Variants in KAZN observed in about 807,000 individuals in gnomAD.
KAZN encodes kazrin, periplakin interacting protein, also known as kazrin.
In KAZN, 40 loss-of-function variants were observed where a neutral mutation model predicts 87.4. The ratio of observed to expected loss-of-function variants is 0.46; its 90% CI spans 0.36 to 0.60. The LOEUF (loss-of-function observed/expected upper bound fraction) is 0.60. Among genes scored for constraint, KAZN ranks in the 20% least tolerant of loss-of-function variants. The pLI, the probability that KAZN is intolerant of heterozygous loss-of-function variation, is 0.00. For synonymous variants in KAZN, 466 were observed against 458.3 expected (o/e 1.02, Z -0.22); for missense variants, 898 against 1,073.9 (o/e 0.84, Z 2.29).
In KAZN at chr1:15,099,608, G is replaced by A. The variant is rs1018557005; in HGVS notation, c.1548-1935G>A. The stretch of plus-strand genomic sequence containing the variant: ...CCCCAGGACCCCAAGCCCCATGTGC[G>A]TTGGGGGAGGGGAAGTCAGCCAGGG... On this transcript the variant is annotated intron_variant, in intron 10 of 14. Coordinates refer to ENST00000376030, the MANE Select transcript of KAZN (RefSeq NM_201628.3). This position sits in a 1 kb window ranked among gnomAD's most constrained non-coding sequence, Gnocchi z 5.4. 7.9e-5 allele frequency among the ~76,000 whole-genome samples: 12 copies of A among 152,300 alleles called. No homozygotes were observed. Among genetic ancestry groups the A allele is most frequent in the East Asian group, 1.9e-4 (1 of 5,174 alleles).
chr1:14,990,885 C>T (rs12239196), intron 2 of KAZN, among the ~76,000 whole-genome samples: 7,171 of 150,680 alleles, frequency 0.048, 558 homozygotes, highest in African/African-American at 0.17. Context: ...GAGGCCTGAT[C>T]TAGTTTGCCT....
At chr1:14,566,323 A>C (rs575804224) in intron 2 of KAZN, among the ~76,000 whole-genome samples, 6 of 152,350 alleles carry the variant, frequency 3.9e-5, no homozygotes, top group African/African-American at 1.2e-4. Context: ...AGTAGGTCTC[A>C]ACAATGCACT....
At chr1:14,527,932 A>T (rs1028355157) in intron 2 of KAZN, among the ~76,000 whole-genome samples, 3 of 152,196 alleles carry the variant, frequency 2.0e-5, no homozygotes, top group Admixed American at 6.5e-5. Context: ...TCCAAACTAT[A>T]GCACTTCATT....
At chr1:14,743,526 T>C (rs1281436003) in intron 1 of KAZN, among the ~76,000 whole-genome samples, 2 of 152,126 alleles carry the variant, frequency 1.3e-5, no homozygotes. Context: ...GAAGCCCCAG[T>C]GCTTTCTAAA....
chr1:14,435,243 T>C (rs1023882600), intron 2 of KAZN, among the ~76,000 whole-genome samples: 3 of 152,178 alleles, frequency 2.0e-5, no homozygotes, highest in Non-Finnish European at 4.4e-5. Flanking sequence ...CTGTTTCAAC[T>C]CTACCCTTGG....
At chr1:14,503,967 G>A (rs1470267640) in intron 2 of KAZN, among the ~76,000 whole-genome samples, 1 of 152,098 alleles carries the variant, frequency 6.6e-6, no homozygotes, top group East Asian at 1.9e-4. Flanking sequence ...GGCAAGAGAG[G>A]CACGTAGGAC....
chr1:14,846,457 C>A (rs1448098209), intron 1 of KAZN, among the ~76,000 whole-genome samples: 1 of 152,012 alleles, frequency 6.6e-6, no homozygotes. Flanking sequence ...AGAACCAGCA[C>A]AAATCATGTC....
rs749488911 is a variant in KAZN at position 14,745,375 on chromosome 1, T to G, written c.226+146152T>G. Among the ~76,000 whole-genome samples the G allele has an allele frequency of 4.4e-4, 67 of 151,830 alleles. 5 individuals carry two copies. The highest frequency in any genetic ancestry group is 4.4e-5 in the Non-Finnish European group (3 of 67,968). On this transcript the variant is annotated intron_variant, in intron 1 of 14. Coordinates refer to ENST00000376030, the MANE Select transcript of KAZN (RefSeq NM_201628.3). ...AGATAGGAATGATAGTACAAGAAGG[T>G]AAATAAAGAATCCCCTGGCACAATC...
intron 2 of KAZN, among the ~76,000 whole-genome samples, chr1:14,492,794 CAT>C (rs1669744290): frequency 6.9e-6 from 1 of 144,034 alleles, no homozygotes; most frequent in African/African-American, 2.6e-5. Flanking sequence ...ACACATCACA[CAT>C]ATGCACTCAC....
At chr1:13,979,215 C>T (rs973717032) in intron 1 of KAZN, among the ~76,000 whole-genome samples, 8 of 152,016 alleles carry the variant, frequency 5.3e-5, no homozygotes, top group African/African-American at 1.9e-4. Context: ...ACCCGTCCCC[C>T]AAAGCTAAAA....
At chr1:14,314,702 C>G (rs922680554) in intron 2 of KAZN, among the ~76,000 whole-genome samples, 20 of 152,032 alleles carry the variant, frequency 1.3e-4, no homozygotes, top group Admixed American at 2.6e-4. Context: ...AAAATTCATT[C>G]TTTTAAAGTG....
chr1:14,402,556 C>T (rs556527799), intron 2 of KAZN, among the ~76,000 whole-genome samples: 2 of 152,208 alleles, frequency 1.3e-5, no homozygotes, highest in Admixed American at 6.5e-5. Context: ...TATAAAATAT[C>T]CCCAAATTAA....
At chr1:14,191,719 A>T (rs1646423091) in intron 2 of KAZN, among the ~76,000 whole-genome samples, 1 of 152,146 alleles carries the variant, frequency 6.6e-6, no homozygotes, top group South Asian at 2.1e-4. Flanking sequence ...CAGAATCTCT[A>T]AGAGGTCTTG....
intron 1 of KAZN, among the ~76,000 whole-genome samples, chr1:13,970,826 G>A (rs1642111448): frequency 6.6e-6 from 1 of 152,070 alleles, no homozygotes. Flanking sequence ...TCTAAAATAT[G>A]CCATCTCAGC....
At chr1:14,320,780 C>T (rs939745069) in intron 2 of KAZN, among the ~76,000 whole-genome samples, 6 of 152,116 alleles carry the variant, frequency 3.9e-5, no homozygotes, top group Admixed American at 1.3e-4. Flanking sequence ...GCATGGAATC[C>T]TGAAGCTTCC....
chr1:14,373,914 A>G (rs1660701698), intron 2 of KAZN, among the ~76,000 whole-genome samples: 1 of 152,230 alleles, frequency 6.6e-6, no homozygotes, highest in Admixed American at 6.5e-5. Flanking sequence ...GATCTTACAT[A>G]AAGTGGAAAA....
chr1:14,246,175 G>A (rs1204904009), intron 2 of KAZN, among the ~76,000 whole-genome samples: 1 of 152,100 alleles, frequency 6.6e-6, no homozygotes, highest in Non-Finnish European at 1.5e-5. Flanking sequence ...TCCTGTTGGG[G>A]GAGATGTTGG....
intron 1 of KAZN, among the ~76,000 whole-genome samples, chr1:14,952,642 C>T (rs1346328274): frequency 8.1e-6 from 1 of 123,650 alleles, no homozygotes; most frequent in African/African-American, 4.2e-5. Flanking sequence ...CCCTCCAAGC[C>T]TGGACTCCAC....
chr1:15,110,431 ATGTGTATTTGTGTATG>A (rs1336190219), intron 13 of KAZN, among the ~76,000 whole-genome samples: 421 of 143,218 alleles, frequency 2.9e-3, no homozygotes, highest in Non-Finnish European at 5.2e-3. Context: ...ATATGTGTTC[ATGTGTATTTGTGTATG>A]TGTGTATTTG....
Sources: allele counts gnomAD v4.1 joint callset (sites outside exome capture counted in the v4.1 genomes callset), GRCh38; gene constraint gnomAD v4.1.1; non-coding constraint Gnocchi (gnomAD v3.1); transcripts MANE v1.5; gene names NCBI Gene and HGNC (gene_info 2026-07-23, HGNC 2026-07-21).